Variants in TBCK observed in about 807,000 individuals in gnomAD.
TBCK encodes the protein TBC domain-containing protein kinase-like protein.
TBCK carries 99 observed loss-of-function variants against 113.4 expected under a neutral mutation model. The ratio of observed to expected loss-of-function variants is 0.87; its 90% confidence interval spans 0.74 to 1.03. The LOEUF (loss-of-function observed/expected upper bound fraction) is 1.03, where lower values mean the gene tolerates loss of function less well. TBCK is among the 50% of genes least tolerant of loss of function. TBCK has a pLI of 0.00. For missense variants in TBCK, 1,045 were observed against 1,061.3 expected (o/e 0.98, Z 0.21); for synonymous variants, 369 against 370.8 (o/e 1.00, Z 0.05).
chr4:106,167,233 G>T (rs1750508500), intron 23 of TBCK, among the ~76,000 whole-genome samples: 1 of 146,402 alleles, frequency 6.8e-6, no homozygotes, highest in African/African-American at 2.5e-5. Context: ...TATACAATTG[G>T]TTGAATTCGC....
At chr4:106,189,618 C>G (rs1271165546) in intron 22 of TBCK, among the ~76,000 whole-genome samples, 1 of 151,990 alleles carries the variant, frequency 6.6e-6, no homozygotes, top group African/African-American at 2.4e-5. Context: ...TTGCTTCACT[C>G]ATGATAGATC....
At chr4:106,259,834 T>A (rs1762337036) in intron 5 of TBCK, among the ~76,000 whole-genome samples, 1 of 151,968 alleles carries the variant, frequency 6.6e-6, no homozygotes, top group Non-Finnish European at 1.5e-5. Context: ...GAAATCCGTA[T>A]CAAAAACATC....
At chr4:106,112,553 CTT>C (rs1439071382) in intron 24 of TBCK, among the ~76,000 whole-genome samples, 1 of 152,076 alleles carries the variant, frequency 6.6e-6, no homozygotes, top group South Asian at 2.1e-4. Context: ...GCCTTGGAAA[CTT>C]TTTCCATTCA....
At position 106,212,845 on chromosome 4, in the gene TBCK, C is replaced by A. The variant is rs560537264; in HGVS notation, c.1775-10G>T. The stretch of plus-strand genomic sequence containing the variant: ...AAGACAGTCAGATACTCTGAAATTA[C>A]AAAGTTTGAGACAATCATCATTTTT... On this transcript the variant is annotated splice_polypyrimidine_tract_variant and intron_variant, in intron 19 of 25. Transcript: ENST00000394708. 4 of 1,589,926 alleles carry A rather than the reference C, an allele frequency of 2.5e-6. No individual in the cohort carries two copies. The highest frequency in any genetic ancestry group is 1.7e-5 in the Admixed American group (1 of 59,436).
chr4:106,205,843 C>T (rs1032066718), intron 20 of TBCK, among the ~76,000 whole-genome samples: 2 of 151,056 alleles, frequency 1.3e-5, no homozygotes, highest in Admixed American at 6.6e-5. Context: ...AAACTATTAA[C>T]GTGTCTGTGT....
chr4:106,116,847 C>G (rs1315842927), intron 23 of TBCK, among the ~76,000 whole-genome samples: 1 of 152,050 alleles, frequency 6.6e-6, no homozygotes, highest in Non-Finnish European at 1.5e-5. Flanking sequence ...AGGAAAACAA[C>G]CTCAGGGCTC....
At chr4:106,262,652 C>A (rs1441853614) in intron 3 of TBCK, among the ~76,000 whole-genome samples, 1 of 152,006 alleles carries the variant, frequency 6.6e-6, no homozygotes, top group Non-Finnish European at 1.5e-5. Context: ...GGTATACAAA[C>A]ACTAGCTTAT....
rs537928848 is a variant in TBCK, at chr4:106,258,190, G to T, written c.455+2247C>A. Among the ~76,000 whole-genome samples the T allele has an allele frequency of 3.3e-5, 5 of 152,002 alleles. No individual in the cohort carries two copies. The South Asian group carries it at 1.0e-3, about 32-fold the overall frequency. On this transcript the variant is annotated intron_variant, in intron 5 of 25. Coordinates refer to ENST00000394708, the MANE Select transcript of TBCK (RefSeq NM_001163435.3). ...GTAGCATAGCATTTTAACACTCAAA[G>T]ACAATTACCAGAACTTTGCTGTGAG...
chr4:106,310,918 A>G (rs997798298), intron 1 of TBCK, among the ~76,000 whole-genome samples: 6 of 152,186 alleles, frequency 3.9e-5, no homozygotes, highest in Middle Eastern at 6.3e-3. Context: ...CCATTACATA[A>G]AACAAGTTAT....
At position 106,099,982 on chromosome 4, in the gene TBCK, C is replaced by G. The variant is rs540459270; in HGVS notation, c.2412-4341G>C. Among the ~76,000 whole-genome samples, 59 of 152,294 alleles carry G rather than the reference C, an allele frequency of 3.9e-4. No individual in the cohort carries two copies. In the South Asian group the frequency reaches 0.012, roughly 31 times the overall value. On this transcript the variant is annotated intron_variant, in intron 24 of 25. Coordinates refer to ENST00000394708, the MANE Select transcript of TBCK (RefSeq NM_001163435.3). ...TAGAACCTAACTACTTTAATTCCAA[C>G]CAAACTAAATCATGCACTGTTACCA...
chr4:106,309,134 A>T, intron 1 of TBCK, 145 bp from the exon 2 acceptor site: 1 of 518,760 alleles, frequency 1.9e-6, no homozygotes, highest in Admixed American at 3.6e-5. Context: ...ATTCTAAAAT[A>T]TCAGAGGACA....
rs777678785 is a variant in TBCK, at chr4:106,308,750, A to T, written c.193+18T>A. ...CAAAGTAGAGAACATAAATAGGAAA[A>T]AAAAGAAAATAACTTACCATGCTTT... is the stretch of plus-strand genomic sequence containing the variant. On this transcript the variant is annotated intron_variant, in intron 2 of 25. Transcript: ENST00000394708. 6.3e-7 allele frequency: 1 copy of T among 1,596,696 alleles called. No individual in the cohort carries two copies. Among genetic ancestry groups the T allele is most frequent in the African/African-American group, 1.4e-5 (1 of 73,584 alleles).
At position 106,244,540 on chromosome 4, in the gene TBCK, A is replaced by C. The variant is rs531965389; in HGVS notation, c.1070+86T>G. On this transcript the variant is annotated intron_variant, in intron 11 of 25. Transcript: ENST00000394708. ...AAAACAACCAATTTAAAAAAAAAAA[A>C]CACCGATTTTCTTTTTTATTATTAC... The C allele has an allele frequency of 3.7e-4, 408 of 1,099,780 alleles. 2 individuals carry two copies. The South Asian group carries it at 8.8e-3, about 24-fold the overall frequency. 68.1% of individuals were successfully genotyped at this position (1,099,780 alleles called of 1,614,324 possible).
chr4:106,264,487 T>C (rs1308938392), intron 3 of TBCK, among the ~76,000 whole-genome samples: 5 of 151,948 alleles, frequency 3.3e-5, no homozygotes, highest in South Asian at 4.1e-4. Flanking sequence ...CTCAGAGAGA[T>C]AGCTATGAGT....
At chr4:106,088,213 G>A (rs1196132378) in intron 25 of TBCK, among the ~76,000 whole-genome samples, 1 of 152,064 alleles carries the variant, frequency 6.6e-6, no homozygotes, top group Non-Finnish European at 1.5e-5. Flanking sequence ...TCTGACGAAG[G>A]TCTAACATCC....
At chr4:106,195,051 T>G (rs1754062292) in intron 20 of TBCK, among the ~76,000 whole-genome samples, 1 of 152,110 alleles carries the variant, frequency 6.6e-6, no homozygotes, top group African/African-American at 2.4e-5. Flanking sequence ...CACTTTTGTT[T>G]TCTGTATGTC....
chr4:106,249,001 A>G lies in TBCK; in HGVS notation c.659-19T>C, dbSNP rs1212469599. The stretch of plus-strand genomic sequence containing the variant: ...ACACAATCTATAAAACAGAAAAACT[A>G]TATGAATAAATGCTATTTTTCTAAT... On this transcript the variant is annotated intron_variant, in intron 7 of 25. Coordinates refer to ENST00000394708, the MANE Select transcript of TBCK (RefSeq NM_001163435.3). The G allele has an allele frequency of 5.2e-6, 8 of 1,539,320 alleles. No individual in the cohort carries two copies. Among genetic ancestry groups the G allele is most frequent in the East Asian group, 2.3e-5 (1 of 44,038 alleles).
At chr4:106,185,736 C>G (rs1417144290) in intron 22 of TBCK, among the ~76,000 whole-genome samples, 1 of 152,026 alleles carries the variant, frequency 6.6e-6, no homozygotes, top group Non-Finnish European at 1.5e-5. Context: ...GTTTTTCCAA[C>G]TTTAATTTTA....
At chr4:106,110,052 A>T (rs1328942501) in intron 24 of TBCK, among the ~76,000 whole-genome samples, 1 of 152,202 alleles carries the variant, frequency 6.6e-6, no homozygotes. Flanking sequence ...CTGGCCTTTA[A>T]TCATCCACGT....
Sources: allele counts gnomAD v4.1 joint callset (sites outside exome capture counted in the v4.1 genomes callset), GRCh38; gene constraint gnomAD v4.1.1; transcripts MANE v1.5; gene names NCBI Gene and HGNC (gene_info 2026-07-23, HGNC 2026-07-21).